The following SLC2A14 variants were observed in gnomAD, a reference collection of about 807,000 sequenced individuals.
The protein encoded by SLC2A14 is solute carrier family 2 member 14, also known as solute carrier family 2, facilitated glucose transporter member 14.
A neutral mutation model predicts 43.0 loss-of-function variants in SLC2A14; 13 were observed. The ratio of observed to expected loss-of-function variants is 0.30; its 90% CI spans 0.20 to 0.48. The LOEUF (loss-of-function observed/expected upper bound fraction) is 0.48. Among genes scored for constraint, SLC2A14 ranks in the 20% least tolerant of loss-of-function variants. The pLI is 0.99. For synonymous variants in SLC2A14, 190 were observed against 233.8 expected (o/e 0.81, Z 1.71); for missense variants, 428 against 620.4 (o/e 0.69, Z 3.29).
chr12:7,867,787 G>GTCTC (rs2121045170), intron 2 of SLC2A14, among the ~76,000 whole-genome samples: 1 of 150,402 alleles, frequency 6.6e-6, no homozygotes, highest in African/African-American at 2.4e-5. Flanking sequence ...GGAGGTTGCA[G>GTCTC]TGAGCCGAGA....
At chr12:7,823,278 G>A (rs1864079087) in intron 7 of SLC2A14, among the ~76,000 whole-genome samples, 1 of 151,854 alleles carries the variant, frequency 6.6e-6, no homozygotes, top group Non-Finnish European at 1.5e-5. Context: ...AGCTGCTTGG[G>A]AGGCTGAGGC....
chr12:7,860,980 C>T (rs1325946725), intron 2 of SLC2A14, among the ~76,000 whole-genome samples: 1 of 151,992 alleles, frequency 6.6e-6, no homozygotes, highest in Non-Finnish European at 1.5e-5. Flanking sequence ...TTAGTAGAGA[C>T]GGGGTTTCTC....
chr12:7,879,984 C>T (rs963641393), intron 1 of SLC2A14, among the ~76,000 whole-genome samples: 1 of 151,482 alleles, frequency 6.6e-6, no homozygotes, highest in Non-Finnish European at 1.5e-5. Flanking sequence ...CCAGCCTAGG[C>T]CTCAGAGTGA....
chr12:7,870,578 G>GAT (rs1945168465), intron 1 of SLC2A14, among the ~76,000 whole-genome samples: 1 of 151,940 alleles, frequency 6.6e-6, no homozygotes, highest in Non-Finnish European at 1.5e-5. Context: ...GGAGAATTAG[G>GAT]ACAGACTGTC....
intron 7 of SLC2A14, among the ~76,000 whole-genome samples, chr12:7,821,799 C>G (rs770139271): frequency 6.6e-6 from 1 of 151,222 alleles, no homozygotes; most frequent in Non-Finnish European, 1.5e-5. Flanking sequence ...CCTGCCACCG[C>G]GCCCAGCTAA....
chr12:7,877,639 G>A (rs1041309325), upstream of SLC2A14, among the ~76,000 whole-genome samples: 14 of 151,718 alleles, frequency 9.2e-5, no homozygotes, highest in Non-Finnish European at 1.8e-4. Context: ...TGGCCAGTCT[G>A]GTCTGAAATT....
chr12:7,856,722 G>T (rs1425510599), intron 2 of SLC2A14, among the ~76,000 whole-genome samples: 3 of 152,126 alleles, frequency 2.0e-5, no homozygotes, highest in Non-Finnish European at 4.4e-5. Context: ...CTTCAGGGAG[G>T]CTGTTAGACA....
In SLC2A14 at chr12:7,883,548, G is replaced by T. The variant is rs763809873; in HGVS notation, c.132+7448C>A. ...CCCAAAGTGCTGAGATTACAGGCAT[G>T]AGCCACCACGCCCGGCCTCTTTTTC... On this transcript the variant is annotated intron_variant, in intron 1 of 9. Transcript: ENST00000539924. 2.0e-5 allele frequency among the ~76,000 whole-genome samples: 3 copies of T among 149,240 alleles called. No homozygotes were observed. The East Asian group carries it at 6.0e-4, about 30-fold the overall frequency.
chr12:7,874,772 C>CATATAA (rs1565584497), upstream of SLC2A14, among the ~76,000 whole-genome samples: 1 of 78,570 alleles, frequency 1.3e-5, no homozygotes, highest in African/African-American at 5.7e-5. Flanking sequence ...ACTATATAAA[C>CATATAA]ATATATAAAT....
At chr12:7,857,413 A>G (rs1446902703) in intron 2 of SLC2A14, among the ~76,000 whole-genome samples, 4 of 151,978 alleles carry the variant, frequency 2.6e-5, no homozygotes, top group Non-Finnish European at 5.9e-5. Flanking sequence ...AAATGGTGAA[A>G]CCCCGTCTCT....
At chr12:7,829,455 G>A (rs1484104080) in intron 5 of SLC2A14, among the ~76,000 whole-genome samples, 1 of 151,552 alleles carries the variant, frequency 6.6e-6, no homozygotes, top group African/African-American at 2.4e-5. Context: ...AGCTACTCGG[G>A]AGGCTGAGGC....
intron 10 of SLC2A14, among the ~76,000 whole-genome samples, chr12:7,816,596 G>T (rs1308425459): frequency 2.0e-5 from 3 of 151,076 alleles, no homozygotes; most frequent in African/African-American, 7.3e-5. Flanking sequence ...GGGCACCATG[G>T]TGCCTGCCTG....
At chr12:7,826,683 T>C (rs1038477106) in intron 7 of SLC2A14, among the ~76,000 whole-genome samples, 1 of 151,984 alleles carries the variant, frequency 6.6e-6, no homozygotes, top group Admixed American at 6.6e-5. Context: ...AATACAAGGG[T>C]TACCTGTCAA....
In SLC2A14 at chr12:7,872,830, T is replaced by TGGGCCCCGCGGCTTCGCTC. The variant is rs1389486643; in HGVS notation, c.-100_-82dup. 1.0e-6 allele frequency: 1 copy of TGGGCCCCGCGGCTTCGCTC among 985,422 alleles called. No homozygotes were observed. The highest frequency in any genetic ancestry group is 1.7e-5 in the African/African-American group (1 of 57,218). The allele number at this position is 985,422 out of a possible 1,614,324, so 61.0% of individuals were successfully genotyped here. On this transcript the variant is annotated 5_prime_UTR_variant, in exon 1 of 11. Coordinates refer to ENST00000431042, the MANE Select transcript of SLC2A14 (RefSeq NM_001286234.2). Reference sequence around the variant, plus strand: ...ACCTCCCAGACCCCGCGACTGCGGTTGGGCCCCGCGGCTTCGCTCAACCAC... The same window carrying TGGGCCCCGCGGCTTCGCTC: ...ACCTCCCAGACCCCGCGACTGCGGTTGGGCCCCGCGGCTTCGCTCGGGCCCCGCGGCTTCGCTCAACCAC...
intron 10 of SLC2A14, 60 bp from the exon 11 acceptor site, chr12:7,814,594 A>G (rs1026973253): frequency 2.0e-6 from 3 of 1,534,888 alleles, no homozygotes; most frequent in African/African-American, 1.4e-5. Context: ...GACAAATACA[A>G]TTTCCTTCAC....
At chr12:7,833,556 G>A (rs991833668) in intron 2 of SLC2A14, among the ~76,000 whole-genome samples, 1 of 152,150 alleles carries the variant, frequency 6.6e-6, no homozygotes, top group African/African-American at 2.4e-5. Flanking sequence ...CAAGGCAGGT[G>A]GATCACCTGA....
At chr12:7,833,428 G>A (rs989944231) in intron 2 of SLC2A14, among the ~76,000 whole-genome samples, 6 of 152,102 alleles carry the variant, frequency 3.9e-5, no homozygotes, top group Non-Finnish European at 8.8e-5. Flanking sequence ...CCTAACCCCC[G>A]GGTGGGGGAA....
chr12:7,845,380 T>C (rs895089278), intron 2 of SLC2A14, among the ~76,000 whole-genome samples: 32 of 152,180 alleles, frequency 2.1e-4, no homozygotes, highest in South Asian at 4.1e-4. Context: ...TTATGTACTA[T>C]GTATGTCAAC....
At position 7,844,477 on chromosome 12, in the gene SLC2A14, A is replaced by G. The variant is rs1362248779; in HGVS notation, c.19-11663T>C. ...GTATGAATTCTTTTCTCTCGATTGT[A>G]TACTTGTTGTATGCTTAGGAATGAG... On this transcript the variant is annotated intron_variant, in intron 2 of 10. Transcript: ENST00000431042. Among the ~76,000 whole-genome samples the G allele has an allele frequency of 6.6e-5, 10 of 151,908 alleles. No individual in the cohort carries two copies. In the South Asian group the frequency reaches 1.9e-3, roughly 28 times the overall value.
Sources: allele counts gnomAD v4.1 joint callset (sites outside exome capture counted in the v4.1 genomes callset), GRCh38; gene constraint gnomAD v4.1.1; transcripts MANE v1.5; gene names NCBI Gene and HGNC (gene_info 2026-07-23, HGNC 2026-07-21).